The following TANGO6 variants were observed in gnomAD, a reference collection of about 807,000 sequenced individuals.
TANGO6 encodes the protein transport and golgi organization 6 homolog.
TANGO6 carries 90 observed loss-of-function variants against 114.2 expected under a neutral mutation model. The ratio of observed to expected loss-of-function variants is 0.79; its 90% CI spans 0.66 to 0.94. The LOEUF (loss-of-function observed/expected upper bound fraction) is 0.94, where lower values mean the gene tolerates loss of function less well. Ranked by LOEUF, TANGO6 falls within the 40% of genes least tolerant of loss-of-function variation. The probability of loss-of-function intolerance (pLI) is 0.00; values close to 1 mark genes in which losing one functional copy is unlikely to be tolerated. For synonymous variants in TANGO6, 477 were observed against 509.8 expected, an observed-to-expected ratio of 0.94 and a Z score of 0.87; for missense variants, 1,274 against 1,315.3, an observed-to-expected ratio of 0.97 and a Z score of 0.49.
In TANGO6 at chr16:68,897,191, G is replaced by A. The variant is rs531908297; in HGVS notation, c.1378-3243G>A. On this transcript the variant is annotated intron_variant, in intron 7 of 17. Transcript: ENST00000261778. The stretch of plus-strand genomic sequence containing the variant: ...GCTGGGATTACAGGTGCCGTGAACC[G>A]CTGTGCCCAGCTGATAAGTGCTACT... Among the ~76,000 whole-genome samples the A allele has an allele frequency of 5.9e-5, 9 of 152,198 alleles. No individual in the cohort carries two copies. The South Asian group carries it at 8.3e-4, about 14-fold the overall frequency.
chr16:69,048,897 A>T (rs1182923581), intron 17 of TANGO6, among the ~76,000 whole-genome samples: 1 of 152,152 alleles, frequency 6.6e-6, no homozygotes, highest in Non-Finnish European at 1.5e-5. Context: ...CTGGGGACAG[A>T]CCCAAGCTGA....
intron 17 of TANGO6, among the ~76,000 whole-genome samples, chr16:69,075,558 A>G (rs964192703): frequency 2.6e-5 from 4 of 151,376 alleles, no homozygotes; most frequent in African/African-American, 9.7e-5. Context: ...GGTTCAAGCA[A>G]TCCCCTCACC....
intron 15 of TANGO6, among the ~76,000 whole-genome samples, chr16:68,992,764 CTA>C (rs1208931686): frequency 6.6e-6 from 1 of 152,050 alleles, no homozygotes. Context: ...GCTTTGTATT[CTA>C]TGTTAAAAAA....
chr16:68,897,032 C>A (rs1227709579), intron 7 of TANGO6, among the ~76,000 whole-genome samples: 9 of 151,646 alleles, frequency 5.9e-5, no homozygotes, highest in African/African-American at 2.2e-4. Flanking sequence ...GCCTCCCGAG[C>A]AGCCAGGATT....
chr16:68,907,526 A>C lies in TANGO6; in HGVS notation c.1751A>C (p.His584Pro). The change falls in exon 10 of 18, where the codon CAC becomes CCC. Residue 584 changes from histidine (H) to proline (P), a missense_variant. By Grantham distance (77) the His-to-Pro change is moderately conservative. Around this residue, in one of 5 missense-constraint regions of TANGO6, gnomAD observed 908 missense variants for 910.2 expected, o/e 1.00. Transcript: ENST00000261778. ...RVEHLGDLLS[H>P]CQECGLAGDF... The stretch of plus-strand genomic sequence containing the variant: ...GAGCATCTCGGGGACTTGCTGTCCC[A>C]CTGCCAGGAATGCGGTTTGGCAGGA... 1 of 1,613,052 alleles carries C rather than the reference A, an allele frequency of 6.2e-7. No homozygotes were observed. The highest frequency in any genetic ancestry group is 8.5e-7 in the Non-Finnish European group (1 of 1,179,594).
intron 7 of TANGO6, among the ~76,000 whole-genome samples, chr16:68,895,589 T>G (rs903330048): frequency 1.3e-5 from 2 of 152,196 alleles, no homozygotes; most frequent in Non-Finnish European, 2.9e-5. Context: ...AAAGTGCAAT[T>G]GGAATTTAAA....
chr16:68,991,008 C>T (rs929436376), intron 15 of TANGO6, among the ~76,000 whole-genome samples: 8 of 150,724 alleles, frequency 5.3e-5, no homozygotes, highest in African/African-American at 2.0e-4. Flanking sequence ...AAGGCTTACA[C>T]GTGATAAAGA....
At chr16:69,048,997 G>A (rs1959904793) in intron 17 of TANGO6, among the ~76,000 whole-genome samples, 2 of 152,182 alleles carry the variant, frequency 1.3e-5, no homozygotes, top group Admixed American at 1.3e-4. Flanking sequence ...CCCGAAGGAG[G>A]TAAAATGAGT....
chr16:68,880,894 T>G (rs558867689), intron 7 of TANGO6, among the ~76,000 whole-genome samples: 1 of 152,120 alleles, frequency 6.6e-6, no homozygotes, highest in South Asian at 2.1e-4. Flanking sequence ...CTCCAAGCTG[T>G]CTGGTTTTCA....
At chr16:69,022,600 A>C (rs972568577) in intron 15 of TANGO6, among the ~76,000 whole-genome samples, 4 of 152,164 alleles carry the variant, frequency 2.6e-5, no homozygotes, top group African/African-American at 9.6e-5. Flanking sequence ...ACTACTTGGG[A>C]GACTGAGGTG....
chr16:68,881,474 A>G (rs764378379), intron 7 of TANGO6, among the ~76,000 whole-genome samples: 2 of 152,216 alleles, frequency 1.3e-5, no homozygotes, highest in African/African-American at 4.8e-5. Context: ...ATATCATGCC[A>G]CTGCACTCCA....
intron 15 of TANGO6, among the ~76,000 whole-genome samples, chr16:68,990,704 G>A (rs1345056241): frequency 6.6e-6 from 1 of 152,180 alleles, no homozygotes; most frequent in African/African-American, 2.4e-5. Flanking sequence ...ACCATGCCTG[G>A]CTACCATTCT....
At chr16:68,961,343 A>C (rs1963588875) in intron 14 of TANGO6, among the ~76,000 whole-genome samples, 1 of 152,232 alleles carries the variant, frequency 6.6e-6, no homozygotes, top group African/African-American at 2.4e-5. Context: ...GCGGGTTTGC[A>C]GTCCTGCCCC....
intron 1 of TANGO6, among the ~76,000 whole-genome samples, chr16:68,845,154 G>T (rs1961783978): frequency 6.6e-6 from 1 of 152,092 alleles, no homozygotes; most frequent in South Asian, 2.1e-4. Flanking sequence ...TTTTAGTAGA[G>T]ACGGAGTTTT....
intron 15 of TANGO6, among the ~76,000 whole-genome samples, chr16:69,013,565 C>T (rs916222706): frequency 1.3e-4 from 19 of 148,990 alleles, no homozygotes; most frequent in Admixed American, 2.7e-4. Flanking sequence ...TGCAATAAGC[C>T]GTGATTACAC....
intron 12 of TANGO6, among the ~76,000 whole-genome samples, chr16:68,920,387 CT>C (rs1344653543): frequency 6.6e-6 from 1 of 152,196 alleles, no homozygotes; most frequent in African/African-American, 2.4e-5. Context: ...GCTTGGTATA[CT>C]TGAGACACTG....
rs548748389 is a variant in TANGO6, at chr16:69,003,920, C to G, written c.2843-18908C>G. Among the ~76,000 whole-genome samples, 3 of 151,998 alleles carry G rather than the reference C, an allele frequency of 2.0e-5. No homozygotes were observed. In the South Asian group the frequency reaches 6.2e-4, roughly 32 times the overall value. ...ACTTTCTACTCATCTCTTTCCCCTA[C>G]TTACTGTTTTTTTTCTTTCTATCTT... is the stretch of plus-strand genomic sequence containing the variant. On this transcript the variant is annotated intron_variant, in intron 15 of 17. Coordinates refer to ENST00000261778, the MANE Select transcript of TANGO6 (RefSeq NM_024562.2).
intron 16 of TANGO6, among the ~76,000 whole-genome samples, chr16:69,024,159 C>T (rs887444696): frequency 2.0e-5 from 3 of 152,102 alleles, no homozygotes; most frequent in Non-Finnish European, 4.4e-5. Flanking sequence ...GCCTCAGCCT[C>T]CCAAAGTGTT....
chr16:68,961,039 T>C (rs1363070781), intron 14 of TANGO6, among the ~76,000 whole-genome samples: 2 of 152,202 alleles, frequency 1.3e-5, no homozygotes, highest in Non-Finnish European at 2.9e-5. Flanking sequence ...CTACCTCCCT[T>C]TTCCACATAC....
Sources: allele counts gnomAD v4.1 joint callset (sites outside exome capture counted in the v4.1 genomes callset), GRCh38; gene constraint gnomAD v4.1.1; regional missense constraint gnomAD v4.1.1; transcripts MANE v1.5; gene names NCBI Gene and HGNC (gene_info 2026-07-23, HGNC 2026-07-21).